The following HLCS variants were observed in gnomAD, a reference collection of about 807,000 sequenced individuals.
The protein encoded by HLCS is biotin--protein ligase.
HLCS carries 53 observed loss-of-function variants against 75.0 expected under a neutral mutation model. The observed-to-expected ratio is 0.71, with a 90% CI of 0.57 to 0.89. The LOEUF (loss-of-function observed/expected upper bound fraction) is 0.89, where lower values mean the gene tolerates loss of function less well. HLCS is among the 40% of genes least tolerant of loss of function. HLCS has a pLI of 0.00. For missense variants in HLCS, 966 were observed against 1,074.0 expected (o/e 0.90, Z 1.41); for synonymous variants, 431 against 428.6 (o/e 1.01, Z -0.07).
chr21:36,961,118 G>A (rs1270508846), intron 2 of HLCS, among the ~76,000 whole-genome samples: 1 of 152,184 alleles, frequency 6.6e-6, no homozygotes, highest in Non-Finnish European at 1.5e-5. Flanking sequence ...GTTAATTTGG[G>A]ATTTTCTCTC....
chr21:36,893,919 T>C (rs992301706), intron 6 of HLCS, among the ~76,000 whole-genome samples: 5 of 152,240 alleles, frequency 3.3e-5, no homozygotes, highest in African/African-American at 9.6e-5. Context: ...TAACCTATTA[T>C]TACTATCACA....
At chr21:36,989,045 TA>T (rs112729730) in intron 1 of HLCS, among the ~76,000 whole-genome samples, 2,171 of 149,118 alleles carry the variant, frequency 0.015, 31 homozygotes, top group Middle Eastern at 0.059. Context: ...TTTATTTATT[TA>T]TTTTTTTTGA....
chr21:36,793,026 T>C (rs2060916189), intron 6 of HLCS, among the ~76,000 whole-genome samples: 2 of 152,222 alleles, frequency 1.3e-5, no homozygotes, highest in South Asian at 4.1e-4. Flanking sequence ...GGCAGCTGCA[T>C]CTGTGGTCCT....
intron 6 of HLCS, among the ~76,000 whole-genome samples, chr21:36,893,038 G>A (rs575658912): frequency 6.6e-6 from 1 of 151,568 alleles, no homozygotes; most frequent in African/African-American, 2.4e-5. Context: ...GCCTCCCAAA[G>A]TGCTGCAATT....
intron 6 of HLCS, among the ~76,000 whole-genome samples, chr21:36,844,192 A>C (rs989359383): frequency 5.3e-5 from 8 of 152,200 alleles, no homozygotes; most frequent in Non-Finnish European, 1.2e-4. Flanking sequence ...GATACGTATC[A>C]CTATACATTT....
chr21:36,759,813 T>C lies in HLCS; in HGVS notation c.2150A>G (p.Asn717Ser). The C allele has an allele frequency of 3.1e-6, 5 of 1,613,114 alleles. No individual in the cohort carries two copies. The highest frequency in any genetic ancestry group is 2.2e-5 in the East Asian group (1 of 44,876). The change falls in exon 9 of 11, where the codon AAC becomes AGC. Residue 717 changes from asparagine to serine, a missense_variant. Coordinates refer to ENST00000674895, the MANE Select transcript of HLCS (RefSeq NM_001352514.2). Reference sequence around the variant, plus strand: ...CATGAGGTCACTGTAATAAATATCGTTGGGCCACTTCACTCGTAAGTTGAT... The same window carrying C: ...CATGAGGTCACTGTAATAAATATCGCTGGGCCACTTCACTCGTAAGTTGAT... ...QDINLRVKWP[N>S]DIYYSDLMKI...
chr21:36,953,357 G>A (rs183385334), intron 2 of HLCS, among the ~76,000 whole-genome samples: 74 of 152,256 alleles, frequency 4.9e-4, no homozygotes, highest in Non-Finnish European at 6.9e-4. Context: ...GGAGTAGCAC[G>A]GGAGCCAGAC....
intron 5 of HLCS, among the ~76,000 whole-genome samples, chr21:36,922,918 T>A (rs2066235785): frequency 6.6e-6 from 1 of 152,176 alleles, no homozygotes; most frequent in South Asian, 2.1e-4. Context: ...ATAATTCACA[T>A]CCCAAGAACT....
chr21:36,920,643 C>T (rs1051064800), intron 5 of HLCS, among the ~76,000 whole-genome samples: 1 of 151,982 alleles, frequency 6.6e-6, no homozygotes, highest in Non-Finnish European at 1.5e-5. Flanking sequence ...AATGTATACA[C>T]CTACTATGTA....
At chr21:36,803,220 T>C (rs1160779218) in intron 6 of HLCS, among the ~76,000 whole-genome samples, 1 of 152,176 alleles carries the variant, frequency 6.6e-6, no homozygotes, top group African/African-American at 2.4e-5. Flanking sequence ...AAGCCGGCCT[T>C]TGTGATGAGA....
chr21:36,926,177 G>T (rs1051230875), intron 5 of HLCS, among the ~76,000 whole-genome samples: 6 of 152,138 alleles, frequency 3.9e-5, no homozygotes, highest in Admixed American at 3.9e-4. Context: ...TATGGTCTTG[G>T]AGAAACAGTT....
At chr21:36,837,986 T>C (rs536653137) in intron 6 of HLCS, among the ~76,000 whole-genome samples, 2 of 152,358 alleles carry the variant, frequency 1.3e-5, no homozygotes, top group South Asian at 2.1e-4. Flanking sequence ...TTCCCAAGTT[T>C]TTCTTTCCTC....
chr21:36,832,343 A>G (rs1240369528), intron 6 of HLCS, among the ~76,000 whole-genome samples: 1 of 152,226 alleles, frequency 6.6e-6, no homozygotes, highest in Admixed American at 6.5e-5. Flanking sequence ...GTGAAATTAC[A>G]CAGCACAGAG....
chr21:36,954,163 G>A (rs527859148), intron 2 of HLCS, among the ~76,000 whole-genome samples: 12 of 151,842 alleles, frequency 7.9e-5, no homozygotes, highest in South Asian at 2.1e-4. Context: ...AAAATTAGCC[G>A]GGCATGGTGG....
Position 36,753,831 on chromosome 21 carries a change from C to A in HLCS, c.*415G>T. ...GATGCTTACAAACAGTGATAGCATACCTCTAACTCACCACTGGCCTGGGCG... is the reference window on the plus strand; with the variant it reads ...GATGCTTACAAACAGTGATAGCATAACTCTAACTCACCACTGGCCTGGGCG... On this transcript the variant is annotated 3_prime_UTR_variant, in exon 11 of 11. Transcript: ENST00000674895. This position sits in a 1 kb window ranked among gnomAD's most constrained non-coding sequence, Gnocchi z 4.3. The A allele has an allele frequency of 3.3e-6, 1 of 306,974 alleles. No individual in the cohort carries two copies. The highest frequency in any genetic ancestry group is 6.2e-6 in the Non-Finnish European group (1 of 160,102). 19.0% of individuals were successfully genotyped at this position (306,974 alleles called of 1,614,324 possible). A position where few individuals can be genotyped will look rare whatever the true frequency, so the allele number is the denominator to read the frequency against.
intron 10 of HLCS, among the ~76,000 whole-genome samples, chr21:36,754,773 G>A (rs1484279386): frequency 6.6e-6 from 1 of 152,140 alleles, no homozygotes; most frequent in Non-Finnish European, 1.5e-5. Context: ...GAGATTGGAG[G>A]AAAATAGGCC....
At chr21:36,978,361 G>T (rs1241088993) in intron 1 of HLCS, among the ~76,000 whole-genome samples, 1 of 151,326 alleles carries the variant, frequency 6.6e-6, no homozygotes, top group Admixed American at 6.6e-5. Context: ...GCCAGGCATG[G>T]TGGTGCAACG....
At chr21:36,756,841 G>A in intron 9 of HLCS, 86 bp from the exon 10 acceptor site, 1 of 1,605,604 alleles carries the variant, frequency 6.2e-7, no homozygotes, top group Non-Finnish European at 8.5e-7. Context: ...TTACAGTCTT[G>A]ACTGTCAACT....
At chr21:36,919,667 T>C (rs2066077550) in intron 5 of HLCS, among the ~76,000 whole-genome samples, 1 of 152,214 alleles carries the variant, frequency 6.6e-6, no homozygotes, top group Non-Finnish European at 1.5e-5. Flanking sequence ...AAAACACAAT[T>C]TCTTTGTAAA....
Sources: allele counts gnomAD v4.1 joint callset (sites outside exome capture counted in the v4.1 genomes callset), GRCh38; gene constraint gnomAD v4.1.1; non-coding constraint Gnocchi (gnomAD v3.1); transcripts MANE v1.5; gene names NCBI Gene and HGNC (gene_info 2026-07-23, HGNC 2026-07-21).